The following LAMA4 variants were observed in gnomAD, a reference collection of about 807,000 sequenced individuals.
LAMA4 encodes the protein laminin subunit alpha 4.
LAMA4 carries 127 observed loss-of-function variants against 207.1 expected under a neutral mutation model. The ratio of observed to expected loss-of-function variants is 0.61; its 90% confidence interval spans 0.53 to 0.71. The LOEUF is 0.71. Ranked by LOEUF, LAMA4 falls within the 30% of genes least tolerant of loss-of-function variation. The pLI is 0.00. For missense variants in LAMA4, 2,093 were observed against 2,246.5 expected (o/e 0.93, Z 1.38); for synonymous variants, 761 against 816.0 (o/e 0.93, Z 1.15).
At chr6:112,196,279 C>T (rs1425611164) in intron 5 of LAMA4, among the ~76,000 whole-genome samples, 3 of 152,182 alleles carry the variant, frequency 2.0e-5, no homozygotes, top group Admixed American at 6.6e-5. Context: ...TTTCTCCCAT[C>T]TAGCTGTAAG....
intron 28 of LAMA4, 98 bp downstream of exon 28, chr6:112,132,655 C>A: frequency 1.7e-6 from 2 of 1,173,200 alleles, no homozygotes; most frequent in Non-Finnish European, 2.5e-6. Flanking sequence ...CAAAATTAAT[C>A]TGAATAGAAA....
intron 30 of LAMA4, 42 bp from the exon 31 acceptor site, chr6:112,129,117 G>A: frequency 6.6e-7 from 1 of 1,521,160 alleles, no homozygotes; most frequent in Non-Finnish European, 9.1e-7. Context: ...TAAAAATATT[G>A]TTCAGAATTA....
intron 26 of LAMA4, among the ~76,000 whole-genome samples, chr6:112,133,869 TAATGAAACTAAGA>T (rs1209256856): frequency 2.6e-5 from 4 of 152,226 alleles, no homozygotes; most frequent in South Asian, 2.1e-4. Context: ...GGGTTTAACG[TAATGAAACTAAGA>T]AATGAAACTA....
intron 2 of LAMA4, among the ~76,000 whole-genome samples, chr6:112,229,808 C>T (rs949949016): frequency 3.3e-5 from 5 of 152,108 alleles, no homozygotes; most frequent in African/African-American, 9.7e-5. Context: ...GACATTTTCC[C>T]CTGTTCAATT....
intron 5 of LAMA4, among the ~76,000 whole-genome samples, chr6:112,200,833 G>A (rs1783698743): frequency 6.6e-6 from 1 of 151,996 alleles, no homozygotes; most frequent in Non-Finnish European, 1.5e-5. Flanking sequence ...GTTGAACAAT[G>A]AGAACACATG....
At chr6:112,174,298 CT>C (rs1781889482) in intron 11 of LAMA4, among the ~76,000 whole-genome samples, 1 of 152,198 alleles carries the variant, frequency 6.6e-6, no homozygotes, top group African/African-American at 2.4e-5. Context: ...CTGGACTAGC[CT>C]TGTTGAGTTA....
At chr6:112,173,909 G>A (rs890669170) in intron 11 of LAMA4, among the ~76,000 whole-genome samples, 2 of 152,094 alleles carry the variant, frequency 1.3e-5, no homozygotes, top group African/African-American at 4.8e-5. Flanking sequence ...GAAATTAAAA[G>A]GAGACTAATA....
chr6:112,124,501 C>T (rs949291700), intron 31 of LAMA4, among the ~76,000 whole-genome samples: 1 of 152,144 alleles, frequency 6.6e-6, no homozygotes, highest in Non-Finnish European at 1.5e-5. Flanking sequence ...CAAGTTATAA[C>T]TTAATTACTT....
At chr6:112,155,388 A>C in intron 15 of LAMA4, 177 bp downstream of exon 15, 1 of 668,460 alleles carries the variant, frequency 1.5e-6, no homozygotes, top group Non-Finnish European at 2.6e-6. Context: ...GCACATCTCG[A>C]AGAATCTGCA....
chr6:112,190,904 T>TTTCA, intron 6 of LAMA4, among the ~76,000 whole-genome samples: 1 of 88,842 alleles, frequency 1.1e-5, no homozygotes, highest in Non-Finnish European at 2.3e-5. Context: ...TCTTTCTTTC[T>TTTCA]TTCTTTCTTT....
intron 2 of LAMA4, chr6:112,253,588 G>T (rs1031385608): frequency 1.4e-6 from 1 of 696,944 alleles, no homozygotes; most frequent in Non-Finnish European, 2.5e-6. Context: ...GGAAGCCAGT[G>T]ACAGGGCACA....
At chr6:112,132,922 T>A (rs1554330370) in intron 27 of LAMA4, 32 bp from the exon 28 acceptor site, 2 of 1,608,358 alleles carry the variant, frequency 1.2e-6, no homozygotes, top group African/African-American at 2.7e-5. Context: ...GATAGTGTTT[T>A]TGAGAATTAT....
At chr6:112,179,006 G>A (rs1327883374) in intron 9 of LAMA4, 3 of 152,204 alleles carry the variant, frequency 2.0e-5, no homozygotes, top group Non-Finnish European at 4.4e-5. Flanking sequence ...TTACCACAGA[G>A]ATTTCAAGGA....
chr6:112,226,357 C>T (rs9320399), intron 2 of LAMA4, among the ~76,000 whole-genome samples: 1 of 152,170 alleles, frequency 6.6e-6, no homozygotes, highest in African/African-American at 2.4e-5. Flanking sequence ...TGCTCTAATG[C>T]AATCACATAC....
In LAMA4 at chr6:112,109,346, C is replaced by T. The variant is rs1279170000; in HGVS notation, c.*91G>A. On this transcript the variant is annotated 3_prime_UTR_variant, in exon 39 of 39. Transcript: ENST00000230538. ...GTTCAACTCGATGAAAGCTTCCACC[C>T]GAAGGAAGAGTTACTGTTCCTCCTG... 1.4e-5 allele frequency: 20 copies of T among 1,399,782 alleles called. No individual in the cohort carries two copies. The highest frequency in any genetic ancestry group is 2.4e-4 in the Middle Eastern group (1 of 4,168). The allele number at this position is 1,399,782 out of a possible 1,614,324, so 86.7% of individuals were successfully genotyped here. A position where few individuals can be genotyped will look rare whatever the true frequency, so the allele number is the denominator to read the frequency against.
At chr6:112,193,019 T>C (rs1440031748) in intron 5 of LAMA4, among the ~76,000 whole-genome samples, 2 of 152,230 alleles carry the variant, frequency 1.3e-5, no homozygotes, top group African/African-American at 4.8e-5. Flanking sequence ...TCAAACTACA[T>C]GCTTGTTGGC....
At chr6:112,165,078 A>T in intron 13 of LAMA4, 82 bp downstream of exon 13, 1 of 824,120 alleles carries the variant, frequency 1.2e-6, no homozygotes. Context: ...GTTAGATATG[A>T]ATTTATTATT....
At chr6:112,190,018 C>T (rs1305656076) in intron 6 of LAMA4, among the ~76,000 whole-genome samples, 5 of 152,182 alleles carry the variant, frequency 3.3e-5, no homozygotes, top group Admixed American at 1.3e-4. Context: ...CACTTCTTAA[C>T]TGTCTTTACA....
chr6:112,114,677 C>T lies in LAMA4; in HGVS notation c.5192G>A (p.Trp1731Ter). 6.2e-7 allele frequency: 1 copy of T among 1,611,544 alleles called. No homozygotes were observed. The highest frequency in any genetic ancestry group is 8.5e-7 in the Non-Finnish European group (1 of 1,177,824). The change falls in exon 37 of 39, where the codon TGG becomes TAG. Residue 1731 changes from tryptophan (W) to a stop codon, truncating the protein, a stop_gained. Transcript: ENST00000230538. LOFTEE classifies it high-confidence loss of function. ...AGTTTTCTCACCTGTAATTCTGTGC[C>T]ATCTGCCATCACAGAGACTCTGCTT... Reference protein sequence around the residue: ...TPKQSLCDGRWHRITVIRDSN... With the variant: ...TPKQSLCDGR
Sources: gnomAD v4.1 joint callset for allele counts (sites outside exome capture counted in the v4.1 genomes callset) on GRCh38, gnomAD v4.1.1 for gene constraint, MANE v1.5 for transcripts, NCBI Gene and HGNC (gene_info 2026-07-23, HGNC 2026-07-21) for gene names.